Variants in URAD observed in about 807,000 individuals in gnomAD.
URAD encodes putative 2-oxo-4-hydroxy-4-carboxy-5-ureidoimidazoline decarboxylase.
URAD carries 4 observed loss-of-function variants against 4.6 expected under a neutral mutation model. That is an observed-to-expected ratio of 0.87 (90% confidence interval 0.43 to 1.98). The LOEUF is 1.98. Ranked by LOEUF, URAD falls within the 30% of genes most tolerant of loss-of-function variation. The pLI, the probability that URAD is intolerant of heterozygous loss-of-function variation, is 0.03. For missense variants in URAD, 300 were observed against 255.3 expected (o/e 1.18, Z -1.19); for synonymous variants, 144 against 118.2 (o/e 1.22, Z -1.41).
intron 1 of URAD, among the ~76,000 whole-genome samples, chr13:27,984,333 T>G (rs548745310): frequency 1.3e-5 from 2 of 152,368 alleles, no homozygotes; most frequent in South Asian, 4.1e-4. Flanking sequence ...CTTTACTAAT[T>G]GTCCGTTCTC....
intron 1 of URAD, among the ~76,000 whole-genome samples, chr13:27,984,980 A>C (rs1367892119): frequency 1.3e-5 from 2 of 152,124 alleles, no homozygotes; most frequent in Admixed American, 6.5e-5. Flanking sequence ...CTCCATCTCA[A>C]AAAAACAAAC....
At position 27,978,465 on chromosome 13, in the gene URAD, A is replaced by G; in HGVS notation, c.176-13T>C. The G allele has an allele frequency of 1.5e-6, 2 of 1,311,772 alleles. No homozygotes were observed. Among genetic ancestry groups the G allele is most frequent in the Non-Finnish European group, 1.9e-6 (2 of 1,035,266 alleles). The allele number at this position is 1,311,772 out of a possible 1,614,324, so 81.3% of individuals were successfully genotyped here. ...ATGCCCTCCTGGCCTGCGGAGAAGC[A>G]CAGACACCGGCGGGAGCGCGTCAAC... On this transcript the variant is annotated splice_polypyrimidine_tract_variant and intron_variant, in intron 1 of 1. Coordinates refer to ENST00000332715, the MANE Select transcript of URAD (RefSeq NM_001105577.2).
chr13:27,988,633 T>C lies in URAD; in HGVS notation c.5A>G (p.Asp2Gly). The C allele has an allele frequency of 6.2e-7, 1 of 1,601,376 alleles. No individual in the cohort carries two copies. The highest frequency in any genetic ancestry group is 1.7e-4 in the Middle Eastern group (1 of 5,954). MDIEKVNSMDLG... is the reference protein window; with the variant it reads MGIEKVNSMDLG... Reference sequence around the variant, plus strand: ...GTCCATGGAGTTGACCTTCTCAATGTCCATTCCTTGTATTCCACTGGAGAC... The same window carrying C: ...GTCCATGGAGTTGACCTTCTCAATGCCCATTCCTTGTATTCCACTGGAGAC... The change falls in exon 1 of 2, where the codon GAC (aspartate) becomes GGC (glycine). Residue 2 changes from aspartate (D) to glycine (G), a missense_variant. Coordinates refer to ENST00000332715, the MANE Select transcript of URAD (RefSeq NM_001105577.2).
Position 27,978,175 on chromosome 13 carries a change from C to G in URAD, c.453G>C (p.Leu151=), listed in dbSNP as rs549250866. Residue 151 remains leucine, a synonymous_variant, in exon 2 of 2, where the codon CTG becomes CTC. Coordinates refer to ENST00000332715, the MANE Select transcript of URAD (RefSeq NM_001105577.2). The part of the protein sequence containing the change: ...CPSAQELRTA[L]GEVKKIGSLR... ...GGCTGCCGATCTTCTTCACCTCGCC[C>G]AGAGCAGTGCGCAGCTCCTGCGCGG... 94 of 1,527,768 alleles carry G rather than the reference C, an allele frequency of 6.2e-5. 1 individual carries two copies. In the South Asian group the frequency reaches 1.1e-3, roughly 18 times the overall value. 94.6% of individuals were successfully genotyped at this position (1,527,768 alleles called of 1,614,324 possible).
At position 27,988,468 on chromosome 13, in the gene URAD, T is replaced by A. The variant is rs3897926; in HGVS notation, c.170A>T (p.Gln57Leu). The change falls in exon 1 of 2, where the codon CAG becomes CTG. Residue 57 changes from glutamine to leucine, a missense_variant. By Grantham distance (113) the Gln-to-Leu change is moderately radical. Transcript: ENST00000332715. ...HFFAFIDALA[Q>L]SGQEGILRCH... is the part of the protein sequence containing the mutation. ...GTCTGATACGGAAGCCTTACCTGAC[T>A]GTGCAAGGGCATCAATAAAGGCAAA... 32 of 1,592,514 alleles carry A rather than the reference T, an allele frequency of 2.0e-5. No homozygotes were observed. The highest frequency in any genetic ancestry group is 2.5e-5 in the Non-Finnish European group (29 of 1,171,102).
In URAD at chr13:27,978,361, G is replaced by A. The variant is rs1188187151; in HGVS notation, c.267C>T (p.Ser89=). ...CGCCCAGGCTCCTCAGGCCTGCGCC[G>A]CTCTGTTCCCGCTGCGACTCGGCCG... ...TLTAESQREQ[S]GAGLRSLGAD... Residue 89 remains serine, a synonymous_variant, in exon 2 of 2, where the codon AGC becomes AGT. Coordinates refer to ENST00000332715, the MANE Select transcript of URAD (RefSeq NM_001105577.2). 2.1e-6 allele frequency: 3 copies of A among 1,405,332 alleles called. No individual in the cohort carries two copies. The highest frequency in any genetic ancestry group is 1.5e-5 in the South Asian group (1 of 64,562). The allele number at this position is 1,405,332 out of a possible 1,614,324, so 87.1% of individuals were successfully genotyped here. A position where few individuals can be genotyped will look rare whatever the true frequency, so the allele number is the denominator to read the frequency against.
In URAD at chr13:27,980,062, T is replaced by A. The variant is rs930013027; in HGVS notation, c.176-1610A>T. 4.6e-5 allele frequency among the ~76,000 whole-genome samples: 7 copies of A among 152,260 alleles called. No individual in the cohort carries two copies. In the East Asian group the frequency reaches 1.4e-3, roughly 29 times the overall value. ...TATAATCCCATCCCTCTAACACCAC[T>A]GTTTTTTGTTTTTTGTGTGTTTTTT... On this transcript the variant is annotated intron_variant, in intron 1 of 1. Transcript: ENST00000332715.
At position 27,978,023 on chromosome 13, in the gene URAD, G is replaced by T; in HGVS notation, c.*83C>A. 6.6e-6 allele frequency: 8 copies of T among 1,209,902 alleles called. No individual in the cohort carries two copies. The highest frequency in any genetic ancestry group is 4.1e-5 in the Admixed American group (1 of 24,304). The allele number at this position is 1,209,902 out of a possible 1,614,324, so 74.9% of individuals were successfully genotyped here. ...TGGACGCTGTTCCAGGCCCGAGTCC[G>T]CCTCCCGCCCAGGACGCACAGCTCC... On this transcript the variant is annotated 3_prime_UTR_variant, in exon 2 of 2. Transcript: ENST00000332715.
chr13:27,983,215 A>C (rs746513974), intron 1 of URAD, among the ~76,000 whole-genome samples: 3 of 151,834 alleles, frequency 2.0e-5, no homozygotes, highest in Non-Finnish European at 4.4e-5. Context: ...TCCTGGTCTC[A>C]GGTTCCTTTG....
At chr13:27,986,337 G>T (rs1472772176) in intron 1 of URAD, among the ~76,000 whole-genome samples, 1 of 152,140 alleles carries the variant, frequency 6.6e-6, no homozygotes, top group Non-Finnish European at 1.5e-5. Context: ...CACTAGCCAG[G>T]AGACAGAGGT....
intron 1 of URAD, among the ~76,000 whole-genome samples, chr13:27,980,580 G>T (rs1381575164): frequency 6.6e-6 from 1 of 151,986 alleles, no homozygotes; most frequent in East Asian, 1.9e-4. Flanking sequence ...CAGAGCAGCC[G>T]CTAGGTCCCC....
At position 27,978,270 on chromosome 13, in the gene URAD, C is replaced by A. The variant is rs2137553449; in HGVS notation, c.358G>T (p.Val120Leu). 3.7e-5 allele frequency: 53 copies of A among 1,430,962 alleles called. No individual in the cohort carries two copies. The highest frequency in any genetic ancestry group is 4.8e-5 in the Non-Finnish European group (53 of 1,101,876). The allele number at this position is 1,430,962 out of a possible 1,614,324, so 88.6% of individuals were successfully genotyped here. The change falls in exon 2 of 2, where the codon GTG becomes TTG. Residue 120 changes from valine (V) to leucine (L), a missense_variant. Transcript: ENST00000332715. ...CGGTCGCTGAAGCGCGCGGCGAGCA[C>A]GAAGGGGAAACCGAAGCGCGCGCGG... ...QYRARFGFPF[V>L]LAARFSDRTA...
At chr13:27,987,961 TTTTTG>T (rs1301464565) in intron 1 of URAD, among the ~76,000 whole-genome samples, 1 of 152,034 alleles carries the variant, frequency 6.6e-6, no homozygotes, top group East Asian at 1.9e-4. Context: ...TTTTTGTTGT[TTTTTG>T]TTTTGTTTTT....
At chr13:27,983,541 T>TATGAGTGG (rs1869935192) in intron 1 of URAD, among the ~76,000 whole-genome samples, 1 of 152,200 alleles carries the variant, frequency 6.6e-6, no homozygotes, top group South Asian at 2.1e-4. Flanking sequence ...GTTCCTTTTC[T>TATGAGTGG]ATGAGTGGCC....
intron 1 of URAD, among the ~76,000 whole-genome samples, chr13:27,982,005 G>C (rs1032654102): frequency 1.3e-5 from 2 of 152,030 alleles, no homozygotes; most frequent in African/African-American, 4.8e-5. Context: ...ACTCTGTCAC[G>C]TTTCGAGCCA....
Position 27,978,159 on chromosome 13 carries a change from T to A in URAD, c.469A>T (p.Ile157Phe). Residue 157 changes from isoleucine (I) to phenylalanine (F), a missense_variant, in exon 2 of 2, where the codon ATC (isoleucine) becomes TTC (phenylalanine). Coordinates refer to ENST00000332715, the MANE Select transcript of URAD (RefSeq NM_001105577.2). ...LRTALGEVKK[I>F]GSLRLADLLR... ...AGGTCGGCCAGGCGCAGGCTGCCGA[T>A]CTTCTTCACCTCGCCCAGAGCAGTG... 6.5e-7 allele frequency: 1 copy of A among 1,535,034 alleles called. No homozygotes were observed. The highest frequency in any genetic ancestry group is 2.0e-5 in the Admixed American group (1 of 51,198).
intron 1 of URAD, among the ~76,000 whole-genome samples, chr13:27,987,293 C>T (rs1042944865): frequency 1.3e-5 from 2 of 152,192 alleles, no homozygotes; most frequent in Admixed American, 1.3e-4. Flanking sequence ...CCTGAGGCAG[C>T]CTGGTCTCTG....
At chr13:27,985,027 A>C (rs1869985329) in intron 1 of URAD, among the ~76,000 whole-genome samples, 1 of 152,204 alleles carries the variant, frequency 6.6e-6, no homozygotes, top group South Asian at 2.1e-4. Flanking sequence ...TTGACAAATA[A>C]AAATTATACA....
intron 1 of URAD, among the ~76,000 whole-genome samples, chr13:27,979,211 G>A (rs1251065018): frequency 6.6e-6 from 1 of 152,100 alleles, no homozygotes; most frequent in African/African-American, 2.4e-5. Context: ...CCACCGGCCC[G>A]GGACTTATTC....
Sources: gnomAD v4.1 joint callset for allele counts (sites outside exome capture counted in the v4.1 genomes callset) on GRCh38, gnomAD v4.1.1 for gene constraint, MANE v1.5 for transcripts, NCBI Gene and HGNC (gene_info 2026-07-23, HGNC 2026-07-21) for gene names.